Variants in HTR3D observed in about 807,000 individuals in gnomAD.
The protein encoded by HTR3D is 5-hydroxytryptamine receptor 3D, also known as 5-hydroxytryptamine (serotonin) receptor 3 family member D.
A neutral mutation model predicts 45.8 loss-of-function variants in HTR3D; 47 were observed. The observed-to-expected ratio is 1.03, with a 90% confidence interval of 0.81 to 1.31. The LOEUF (loss-of-function observed/expected upper bound fraction) is 1.31. HTR3D is among the 50% of genes most tolerant of loss of function. The pLI, the probability that HTR3D is intolerant of heterozygous loss-of-function variation, is 0.00. For missense variants in HTR3D, 448 were observed against 506.9 expected, an observed-to-expected ratio of 0.88 and a Z score of 1.12; for synonymous variants, 203 against 199.8, an observed-to-expected ratio of 1.02 and a Z score of -0.13.
chr3:184,032,707 G>T (rs1722782734), intron 1 of HTR3D: 1 of 717,644 alleles, frequency 1.4e-6, no homozygotes, highest in Non-Finnish European at 2.4e-6. Flanking sequence ...ATGGCACTGA[G>T]GATGGATCCT....
In HTR3D at chr3:184,031,780, T is replaced by C; in HGVS notation, c.39T>C (p.Leu13=). The change falls in exon 1 of 8, where the codon CTT becomes CTC. Residue 13 remains leucine, a synonymous_variant. Transcript: ENST00000428798. ...RGWFHGKGFL[L]GFILHLLLQD... is the part of the protein sequence containing the mutation. Reference sequence around the variant, plus strand: ...GGTTCCATGGGAAAGGATTCCTCCTTGGCTTCATCCTCCACCTGCTGCTGC... The same window carrying C: ...GGTTCCATGGGAAAGGATTCCTCCTCGGCTTCATCCTCCACCTGCTGCTGC... 6.4e-7 allele frequency: 1 copy of C among 1,551,522 alleles called. No individual in the cohort carries two copies. Among genetic ancestry groups the C allele is most frequent in the Non-Finnish European group, 8.7e-7 (1 of 1,146,906 alleles).
rs752438165 is a variant in HTR3D, at chr3:184,038,290, G to A, written c.769+17G>A. The A allele has an allele frequency of 1.9e-6, 3 of 1,613,374 alleles. No homozygotes were observed. The South Asian group carries it at 3.3e-5, about 18-fold the overall frequency. The stretch of plus-strand genomic sequence containing the variant: ...AAAAGCGAGGTGTGTGTTGGATGGG[G>A]AGAGGGATGGGCAGAACCAGGCGAA... On this transcript the variant is annotated intron_variant, in intron 6 of 7. Coordinates refer to ENST00000428798, the MANE Select transcript of HTR3D (RefSeq NM_001145143.1). This position sits in a 1 kb window ranked among gnomAD's most constrained non-coding sequence, Gnocchi z 4.5.
At position 184,036,796 on chromosome 3, in the gene HTR3D, C is replaced by A; in HGVS notation, c.416C>A (p.Thr139Asn). Residue 139 changes from threonine to asparagine, a missense_variant, in exon 5 of 8, where the codon ACC becomes AAC. Coordinates refer to ENST00000428798, the MANE Select transcript of HTR3D (RefSeq NM_001145143.1). ...MSRSFQIHHR[T>N]SFRTRREWVL... Reference sequence around the variant, plus strand: ...AGGAGCTTTCAAATACATCACAGAACCTCATTCAGAACAAGGAGGGAGTGG... The same window carrying A: ...AGGAGCTTTCAAATACATCACAGAAACTCATTCAGAACAAGGAGGGAGTGG... The A allele has an allele frequency of 1.3e-6, 2 of 1,552,082 alleles. No individual in the cohort carries two copies. Among genetic ancestry groups the A allele is most frequent in the Non-Finnish European group, 1.7e-6 (2 of 1,147,072 alleles).
At position 184,038,322 on chromosome 3, in the gene HTR3D, AG is replaced by A. The variant is rs1560075769; in HGVS notation, c.769+52del. 6.2e-7 allele frequency: 1 copy of A among 1,612,170 alleles called. No individual in the cohort carries two copies. Among genetic ancestry groups the A allele is most frequent in the South Asian group, 1.1e-5 (1 of 91,046 alleles). ...ATGGGCAGAACCAGGCGAAGTGAAA[AG>A]GGATCCTGGAAAAAGATCCTCTGGG... On this transcript the variant is annotated intron_variant, in intron 6 of 7. Coordinates refer to ENST00000428798, the MANE Select transcript of HTR3D (RefSeq NM_001145143.1). The surrounding 1 kb of genome is among the most constrained non-coding windows in gnomAD (Gnocchi z 4.5).
chr3:184,031,836 C>T (rs1013788886), intron 1 of HTR3D, 29 bp downstream of exon 1: 3 of 1,495,266 alleles, frequency 2.0e-6, no homozygotes, highest in Non-Finnish European at 2.7e-6. Flanking sequence ...AAGAGCTGAG[C>T]AGACATGTAA....
At position 184,036,366 on chromosome 3, in the gene HTR3D, C is replaced by T. The variant is rs1722889226; in HGVS notation, c.198-9C>T. 1 of 1,613,738 alleles carries T rather than the reference C, an allele frequency of 6.2e-7. No homozygotes were observed. Among genetic ancestry groups the T allele is most frequent in the Non-Finnish European group, 8.5e-7 (1 of 1,179,868 alleles). ...CCTACCTCCCTGTCCTTCTCCCACA[C>T]AGCATCAGTGTGGATCAGACACCTG... On this transcript the variant is annotated splice_polypyrimidine_tract_variant and intron_variant, in intron 3 of 7. Transcript: ENST00000428798.
chr3:184,034,985 G>A (rs12493550), intron 1 of HTR3D, 193 bp from the exon 2 acceptor site: 79,893 of 1,268,452 alleles, frequency 0.063, 2,778 homozygotes, highest in Admixed American at 0.11. Flanking sequence ...ATTCCCAATG[G>A]ACCTTCATAC....
chr3:184,031,841 A>T (rs1156899122), intron 1 of HTR3D, 34 bp downstream of exon 1: 1 of 1,453,890 alleles, frequency 6.9e-7, no homozygotes, highest in South Asian at 1.2e-5. Context: ...CTGAGCAGAC[A>T]TGTAACTCCT....
intron 5 of HTR3D, 67 bp downstream of exon 5, chr3:184,036,963 G>A (rs1278711693): frequency 6.8e-7 from 1 of 1,481,222 alleles, no homozygotes; most frequent in Non-Finnish European, 9.1e-7. Flanking sequence ...CCTGGCTTCA[G>A]GTGATCCGCC....
chr3:184,036,051 G>A lies in HTR3D; in HGVS notation c.148G>A (p.Gly50Ser), dbSNP rs540825379. 41 of 1,551,646 alleles carry A rather than the reference G, an allele frequency of 2.6e-5. No homozygotes were observed. The highest frequency in any genetic ancestry group is 1.9e-4 in the African/African-American group (14 of 73,150). ...PDECGGIKKS[G>S]MATENLWLSD... is the part of the protein sequence containing the mutation. ...TGAATGCGGAGGCATCAAGAAGTCC[G>A]GCATGGCAACTGAGAACCTATGGCT... The change falls in exon 3 of 8, where the codon GGC (glycine) becomes AGC (serine). Residue 50 changes from glycine to serine, a missense_variant. By Grantham distance (56) the Gly-to-Ser change is moderately conservative. Transcript: ENST00000428798.
chr3:184,035,944 C>A, intron 2 of HTR3D, 71 bp from the exon 3 acceptor site: 1 of 1,484,096 alleles, frequency 6.7e-7, no homozygotes. Context: ...CCCCCCGCCT[C>A]AGCCTTCCAA....
Position 184,036,397 on chromosome 3 carries a change from C to T in HTR3D, c.220C>T (p.Leu74Phe). The change falls in exon 4 of 8, where the codon CTC becomes TTC. Residue 74 changes from leucine (L) to phenylalanine (F), a missense_variant. Physicochemically the swap from Leu to Phe is conservative, Grantham distance 22. Coordinates refer to ENST00000428798, the MANE Select transcript of HTR3D (RefSeq NM_001145143.1). Reference protein sequence around the residue: ...EESVDQTPAGLMASMSIVKAT... With the variant: ...EESVDQTPAGFMASMSIVKAT... ...CAGTGTGGATCAGACACCTGCAGGT[C>T]TCATGGCTAGTATGTCAATAGTGAA... The T allele has an allele frequency of 6.2e-7, 1 of 1,614,138 alleles. No individual in the cohort carries two copies. Among genetic ancestry groups the T allele is most frequent in the Non-Finnish European group, 8.5e-7 (1 of 1,180,034 alleles).
Position 184,038,494 on chromosome 3 carries a change from C to G in HTR3D, c.855C>G (p.Thr285=), listed in dbSNP as rs752866658. The change falls in exon 7 of 8, where the codon ACC becomes ACG. Residue 285 remains threonine (T), a synonymous_variant. Coordinates refer to ENST00000428798, the MANE Select transcript of HTR3D (RefSeq NM_001145143.1). The surrounding 1 kb of genome is among the most constrained non-coding windows in gnomAD (Gnocchi z 4.5). ...TCACCCACCTGCTGCACGTGGCCAC[C>G]ACCCAGCCCCTACCTCTGCCTCGGT... ...IFITHLLHVA[T]TQPLPLPRWL... 2 of 1,613,980 alleles carry G rather than the reference C, an allele frequency of 1.2e-6. No homozygotes were observed. The highest frequency in any genetic ancestry group is 1.1e-5 in the South Asian group (1 of 91,070).
intron 1 of HTR3D, 122 bp downstream of exon 1, chr3:184,031,929 G>C: frequency 1.5e-6 from 1 of 689,276 alleles, no homozygotes; most frequent in Non-Finnish European, 2.6e-6. Flanking sequence ...TAAAAATGAT[G>C]CTCGTGACAC....
In HTR3D at chr3:184,036,897, G is replaced by A. The variant is rs1277693536; in HGVS notation, c.516+1G>A. ...CCAGTATGAACAAGCCATCTTCCAT[G>A]TGAGCTCAGGGGCCAAGACAAGGTT... is the stretch of plus-strand genomic sequence containing the variant. On this transcript the variant is annotated splice_donor_variant, in intron 5 of 7. Coordinates refer to ENST00000428798, the MANE Select transcript of HTR3D (RefSeq NM_001145143.1). LOFTEE classifies it high-confidence loss of function. 3.2e-6 allele frequency: 5 copies of A among 1,551,114 alleles called. No homozygotes were observed. The highest frequency in any genetic ancestry group is 8.7e-7 in the Non-Finnish European group (1 of 1,146,716).
chr3:184,036,419 T>C lies in HTR3D; in HGVS notation c.242T>C (p.Val81Ala). ...GGTCTCATGGCTAGTATGTCAATAG[T>C]GAAGGCCACATCAAACACAATAAGC... ...PAGLMASMSI[V>A]KATSNTISQC... is the part of the protein sequence containing the mutation. The change falls in exon 4 of 8, where the codon GTG becomes GCG. Residue 81 changes from valine (V) to alanine (A), a missense_variant. Coordinates refer to ENST00000428798, the MANE Select transcript of HTR3D (RefSeq NM_001145143.1). 8.7e-6 allele frequency: 14 copies of C among 1,614,162 alleles called. No individual in the cohort carries two copies. The highest frequency in any genetic ancestry group is 1.2e-5 in the Non-Finnish European group (14 of 1,180,030).
In HTR3D at chr3:184,039,010, C is replaced by T. The variant is rs1576981014; in HGVS notation, c.*35C>T. On this transcript the variant is annotated 3_prime_UTR_variant, in exon 8 of 8. Transcript: ENST00000428798. ...CACCTGCAAACTTCAGTCTGGACTT[C>T]TTTTTGCCAGAGAACTCCAGAAACC... 6.2e-7 allele frequency: 1 copy of T among 1,608,626 alleles called. No homozygotes were observed. The highest frequency in any genetic ancestry group is 8.5e-7 in the Non-Finnish European group (1 of 1,176,198).
intron 5 of HTR3D, among the ~76,000 whole-genome samples, chr3:184,037,140 A>G (rs1722930722): frequency 1.3e-5 from 2 of 151,918 alleles, no homozygotes; most frequent in Non-Finnish European, 2.9e-5. Context: ...CCTGGGTTCA[A>G]GTGATTCTCC....
chr3:184,039,145 C>A lies in HTR3D; in HGVS notation c.*170C>A. ...ATAGTCTCCTATGCCCTCCAAAAGT[C>A]GGGTCCTTGCTCCTGCATGCCATCA... On this transcript the variant is annotated 3_prime_UTR_variant, in exon 8 of 8. Coordinates refer to ENST00000428798, the MANE Select transcript of HTR3D (RefSeq NM_001145143.1). The A allele has an allele frequency of 1.4e-6, 1 of 696,718 alleles. No individual in the cohort carries two copies. The highest frequency in any genetic ancestry group is 2.3e-6 in the Non-Finnish European group (1 of 426,778). The allele number at this position is 696,718 out of a possible 1,614,324, so 43.2% of individuals were successfully genotyped here.
Sources: allele counts gnomAD v4.1 joint callset (sites outside exome capture counted in the v4.1 genomes callset), GRCh38; gene constraint gnomAD v4.1.1; non-coding constraint Gnocchi (gnomAD v3.1); transcripts MANE v1.5; gene names NCBI Gene and HGNC (gene_info 2026-07-23, HGNC 2026-07-21).